MYL5: variants seen among roughly 807,000 people sequenced by gnomAD.
MYL5 encodes the protein myosin regulatory light chain 5.
In MYL5, 28 loss-of-function variants were observed where a neutral mutation model predicts 20.8. That is an observed-to-expected ratio of 1.35 (90% confidence interval 1.00 to 1.84). The LOEUF is 1.84. Ranked by LOEUF, MYL5 falls within the 40% of genes most tolerant of loss-of-function variation. MYL5 has a pLI of 0.00. For synonymous variants in MYL5, 118 were observed against 87.4 expected, an observed-to-expected ratio of 1.35 and a Z score of -1.95; for missense variants, 274 against 227.3, an observed-to-expected ratio of 1.21 and a Z score of -1.32.
At chr4:677,948 C>T (rs894692809) in exon 1 of MYL5, 22 of 1,611,892 alleles carry the variant, frequency 1.4e-5, no homozygotes, top group Non-Finnish European at 1.7e-5. Flanking sequence ...TCTGAACTGT[C>T]CTGGGGGACC....
At chr4:678,294 C>T (rs1283968241) in intron 1 of MYL5, 1 of 1,433,224 alleles carries the variant, frequency 7.0e-7, no homozygotes, top group African/African-American at 1.4e-5. Flanking sequence ...TGAGGGGGTT[C>T]CTGGCTTTCA....
At chr4:681,659 C>A (rs1272679705) in intron 6 of MYL5, among the ~76,000 whole-genome samples, 9 of 50,638 alleles carry the variant, frequency 1.8e-4, no homozygotes, top group Middle Eastern at 6.2e-3. Context: ...CCTCCAGCGC[C>A]GCCCCGCCCC....
intron 6 of MYL5, 172 bp from the exon 9 acceptor site, chr4:681,721 C>T (rs1480357344): frequency 4.5e-6 from 1 of 222,966 alleles, no homozygotes; most frequent in East Asian, 1.2e-4. Context: ...TCCAGCGCCG[C>T]CCCGCCCCCT....
At chr4:678,236 G>A in intron 1 of MYL5, 1 of 1,484,920 alleles carries the variant, frequency 6.7e-7, no homozygotes, top group South Asian at 1.3e-5. Flanking sequence ...CTGTGTTGTG[G>A]GAAGTACGTG....
upstream of MYL5, among the ~76,000 whole-genome samples, chr4:677,544 C>G (rs964437168): frequency 1.3e-5 from 2 of 152,220 alleles, no homozygotes; most frequent in Non-Finnish European, 2.9e-5. Flanking sequence ...GTCACCAAGG[C>G]AGGGAGGGGC....
chr4:679,887 C>T (rs1177450007), intron 3 of MYL5, 27 bp from the exon 6 acceptor site: 2 of 1,607,370 alleles, frequency 1.2e-6, no homozygotes, highest in Non-Finnish European at 1.7e-6. Context: ...CAAGCCCTGC[C>T]CTGTGATGCC....
intron 1 of MYL5, 111 bp from the exon 4 acceptor site, chr4:678,547 C>A (rs76067323): frequency 6.8e-7 from 1 of 1,475,464 alleles, no homozygotes. Context: ...CCCTCCAGCC[C>A]GAAGGGCTGA....
intron 5 of MYL5, chr4:680,889 T>A: frequency 1.5e-6 from 1 of 666,016 alleles, no homozygotes; most frequent in South Asian, 1.8e-5. Flanking sequence ...TCCTTCCGGC[T>A]CTGTCCCCAT....
chr4:679,924 C>A, exon 4 of MYL5: 1 of 1,613,736 alleles, frequency 6.2e-7, no homozygotes, highest in Non-Finnish European at 8.5e-7. Context: ...GCAAGACCAA[C>A]GTCAAGGACG....
intron 4 of MYL5, among the ~76,000 whole-genome samples, chr4:680,293 G>A (rs1017477481): frequency 2.0e-5 from 3 of 152,110 alleles, no homozygotes; most frequent in Non-Finnish European, 2.9e-5. Context: ...CTGACCCTGG[G>A]CACCCCAAAA....
In MYL5 at chr4:678,353, C is replaced by G. The variant is rs1487969830; in HGVS notation, c.4-305C>G. On this transcript the variant is annotated intron_variant, in intron 1 of 6. Coordinates refer to ENST00000400159, the Ensembl canonical transcript of MYL5. ...GCCCACCCAGAGTCCACTTGCCCCTCAAGCCTTCAGAGGCCAAGCTGGCTC... is the reference window on the plus strand; with the variant it reads ...GCCCACCCAGAGTCCACTTGCCCCTGAAGCCTTCAGAGGCCAAGCTGGCTC... 5 of 1,414,318 alleles carry G rather than the reference C, an allele frequency of 3.5e-6. No homozygotes were observed. In the Admixed American group the frequency reaches 8.6e-5, roughly 24 times the overall value. The allele number at this position is 1,414,318 out of a possible 1,614,324, so 87.6% of individuals were successfully genotyped here.
At chr4:678,484 C>G (rs1739082733) in intron 1 of MYL5, 174 bp from the exon 4 acceptor site, 1 of 1,438,176 alleles carries the variant, frequency 7.0e-7, no homozygotes, top group Non-Finnish European at 9.1e-7. Flanking sequence ...CCGTCCTGCC[C>G]CCAACCCCAG....
exon 7 of MYL5, chr4:681,945 A>G: frequency 7.4e-7 from 1 of 1,344,424 alleles, no homozygotes; most frequent in Non-Finnish European, 9.7e-7. Context: ...AACCTGGACT[A>G]CAAGGCGCTC....
chr4:680,415 G>C, intron 4 of MYL5, 94 bp from the exon 7 acceptor site: 1 of 1,293,176 alleles, frequency 7.7e-7, no homozygotes. Context: ...GTCTCCCCCT[G>C]CTTGGGGCAG....
At chr4:677,841 GGT>G (rs895927736), upstream of MYL5, 84 of 933,300 alleles carry the variant, frequency 9.0e-5, no homozygotes, top group Middle Eastern at 2.4e-4. Context: ...GCAGGGCAAG[GGT>G]GTGAGTCACT....
At chr4:678,715 T>C in exon 2 of MYL5, 1 of 1,612,280 alleles carries the variant, frequency 6.2e-7, no homozygotes, top group Non-Finnish European at 8.5e-7. Flanking sequence ...GAGAGCCTCA[T>C]CCAATGTCTT....
intron 6 of MYL5, 97 bp downstream of exon 8, chr4:681,237 C>T (rs1275034994): frequency 4.2e-6 from 6 of 1,442,722 alleles, no homozygotes; most frequent in Admixed American, 2.0e-5. Context: ...GGAGCAGCGC[C>T]GCGGTTAGGA....
upstream of MYL5, chr4:674,549 C>G: frequency 4.2e-6 from 2 of 472,338 alleles, no homozygotes; most frequent in Non-Finnish European, 7.6e-6. Context: ...TTCCTTTCCC[C>G]GCAGGGCTGG....
chr4:679,294 C>T (rs1199154568), intron 3 of MYL5: 8 of 601,940 alleles, frequency 1.3e-5, no homozygotes, highest in African/African-American at 1.1e-4. Context: ...CAGCAGGCTC[C>T]AGGGAGGGGC....
Sources: allele counts gnomAD v4.1 joint callset (sites outside exome capture counted in the v4.1 genomes callset), GRCh38; gene constraint gnomAD v4.1.1; transcripts MANE v1.5; gene names NCBI Gene and HGNC (gene_info 2026-07-23, HGNC 2026-07-21).